The following ZNG1A variants were observed in gnomAD, a reference collection of about 807,000 sequenced individuals.
The protein encoded by ZNG1A is zinc-regulated GTPase metalloprotein activator 1A.
At chr9:143,111 A>C in the ZNG1A span, among the ~76,000 whole-genome samples, 23,310 of 134,064 alleles carry the variant, frequency 0.17, 2,492 homozygotes, top group East Asian at 0.35. Flanking sequence ...ATTCTACCAG[A>C]GGTACAAGGA....
the ZNG1A span, among the ~76,000 whole-genome samples, chr9:176,290 G>C: frequency 7.2e-6 from 1 of 137,942 alleles, no homozygotes; most frequent in Non-Finnish European, 1.6e-5. Context: ...ATCTCCAGTA[G>C]AAAAAAAATA....
chr9:168,285 G>A, the ZNG1A span, among the ~76,000 whole-genome samples: 2 of 150,562 alleles, frequency 1.3e-5, no homozygotes, highest in African/African-American at 2.5e-5. Flanking sequence ...ATGGAGTCTC[G>A]CTCTGTCACC....
chr9:146,807 G>A, the ZNG1A span: 20 of 138,696 alleles, frequency 1.4e-4, no homozygotes, highest in African/African-American at 4.9e-4. Context: ...TTAGCATTAG[G>A]TTTGGTTTAA....
chr9:132,679 T>G, the ZNG1A span, among the ~76,000 whole-genome samples: 21 of 54,264 alleles, frequency 3.9e-4, 7 homozygotes, highest in Non-Finnish European at 7.1e-4. Flanking sequence ...CATGAAGCAT[T>G]TGATGGGGTT....
At chr9:138,743 T>TA in the ZNG1A span, among the ~76,000 whole-genome samples, 24,983 of 128,956 alleles carry the variant, frequency 0.19, 2,852 homozygotes, top group East Asian at 0.41. Context: ...TACAGAAAAT[T>TA]AAAAAAAAAA....
chr9:148,836 G>C, the ZNG1A span: 1 of 148,376 alleles, frequency 6.7e-6, no homozygotes, highest in African/African-American at 2.6e-5. Flanking sequence ...GGCTCTCCAA[G>C]GTGGGGGTGG....
the ZNG1A span, among the ~76,000 whole-genome samples, chr9:169,672 C>G: frequency 2.7e-5 from 4 of 149,490 alleles, no homozygotes; most frequent in Non-Finnish European, 4.4e-5. Context: ...AACTACTACC[C>G]TGATTGGTCA....
the ZNG1A span, among the ~76,000 whole-genome samples, chr9:158,535 A>T: frequency 1.3e-5 from 2 of 148,378 alleles, 1 homozygote; most frequent in African/African-American, 5.1e-5. Context: ...TTACAGATTT[A>T]TTTTTGCATT....
At chr9:122,408 A>G in the ZNG1A span, 1 of 1,198,036 alleles carries the variant, frequency 8.3e-7, no homozygotes, top group Admixed American at 3.9e-5. Flanking sequence ...ATGATGAAAT[A>G]TGTATCATAT....
the ZNG1A span, among the ~76,000 whole-genome samples, chr9:161,194 C>T: frequency 1.3e-5 from 2 of 152,040 alleles, no homozygotes; most frequent in Non-Finnish European, 2.9e-5. Flanking sequence ...TCAGGCCGGG[C>T]GTGGTGGCTC....
chr9:178,309 G>T, the ZNG1A span, among the ~76,000 whole-genome samples: 1 of 151,970 alleles, frequency 6.6e-6, no homozygotes, highest in African/African-American at 2.4e-5. Flanking sequence ...AAAAAAAAGT[G>T]TTTAAGATAG....
chr9:139,187 C>G, the ZNG1A span, among the ~76,000 whole-genome samples: 2 of 149,828 alleles, frequency 1.3e-5, no homozygotes, highest in African/African-American at 5.0e-5. Context: ...ATTATTCAGA[C>G]TTAAAAAGGA....
chr9:170,518 C>A, the ZNG1A span, among the ~76,000 whole-genome samples: 1 of 150,812 alleles, frequency 6.6e-6, no homozygotes, highest in Non-Finnish European at 1.5e-5. Flanking sequence ...TCCTGAGTAG[C>A]TGGGATTATG....
the ZNG1A span, among the ~76,000 whole-genome samples, chr9:177,300 A>G: frequency 1.3e-5 from 2 of 152,210 alleles, no homozygotes; most frequent in Admixed American, 6.5e-5. Context: ...TGACATTTAT[A>G]AAGATCATTA....
At chr9:131,707 T>C in the ZNG1A span, among the ~76,000 whole-genome samples, 1 of 148,202 alleles carries the variant, frequency 6.7e-6, no homozygotes, top group African/African-American at 2.6e-5. Flanking sequence ...CAGGCAAGTC[T>C]ACTGGTGAAA....
chr9:146,113 G>C, the ZNG1A span: 2 of 1,563,952 alleles, frequency 1.3e-6, no homozygotes, highest in Admixed American at 1.8e-5. Context: ...TTATTCCAGA[G>C]AGACTATCAA....
At chr9:171,460 AG>A in the ZNG1A span, 9 of 152,298 alleles carry the variant, frequency 5.9e-5, no homozygotes, top group South Asian at 1.9e-3. Context: ...CAAGAATTAG[AG>A]CTTGGTAAGA....
At chr9:149,031 T>C in the ZNG1A span, 1 of 149,604 alleles carries the variant, frequency 6.7e-6, no homozygotes, top group African/African-American at 2.5e-5. Context: ...TAGCTCAGTC[T>C]TGAACTCTGG....
At chr9:124,146 T>TTTATC in the ZNG1A span, among the ~76,000 whole-genome samples, 1 of 151,956 alleles carries the variant, frequency 6.6e-6, no homozygotes, top group African/African-American at 2.4e-5. Context: ...ATTTTTCTTC[T>TTTATC]TTATCTTGAT....
Sources: gnomAD v4.1 joint callset for allele counts (sites outside exome capture counted in the v4.1 genomes callset) on GRCh38, gnomAD v4.1.1 for gene constraint, MANE v1.5 for transcripts, NCBI Gene and HGNC (gene_info 2026-07-23, HGNC 2026-07-21) for gene names.